The following MACROH2A1 variants were observed in gnomAD, a reference collection of about 807,000 sequenced individuals.
MACROH2A1 encodes the protein core histone macro-H2A.1.
In MACROH2A1, 2 loss-of-function variants were observed where a neutral mutation model predicts 31.6. The ratio of observed to expected loss-of-function variants is 0.06; its 90% CI spans 0.03 to 0.20. The LOEUF is 0.20. Among genes scored for constraint, MACROH2A1 ranks in the 10% least tolerant of loss-of-function variants. The pLI, the probability that MACROH2A1 is intolerant of heterozygous loss-of-function variation, is 1.00. For synonymous variants in MACROH2A1, 169 were observed against 189.6 expected (o/e 0.89, Z 0.89); for missense variants, 230 against 474.0 (o/e 0.49, Z 4.78).
At chr5:135,349,938 T>C (rs57581572) in intron 6 of MACROH2A1, among the ~76,000 whole-genome samples, 17,135 of 152,158 alleles carry the variant, frequency 0.11, 1,978 homozygotes, top group African/African-American at 0.29. Flanking sequence ...GACCAGGCCC[T>C]ATGATCAGTA....
At chr5:135,362,633 GC>G (rs1408578333) in intron 4 of MACROH2A1, 2 of 152,018 alleles carry the variant, frequency 1.3e-5, no homozygotes, top group Non-Finnish European at 2.9e-5. Context: ...AATCCACCCA[GC>G]CCATTACAAG....
chr5:135,393,534 T>C (rs1419504364), intron 1 of MACROH2A1, among the ~76,000 whole-genome samples: 1 of 152,208 alleles, frequency 6.6e-6, no homozygotes, highest in Non-Finnish European at 1.5e-5. Flanking sequence ...CCCTACATCA[T>C]AGACAAAGCA....
chr5:135,388,926 C>T lies in MACROH2A1; in HGVS notation c.168G>A (p.Leu56=). The T allele has an allele frequency of 2.5e-6, 4 of 1,603,240 alleles. 1 individual carries two copies. Among genetic ancestry groups the T allele is most frequent in the Non-Finnish European group, 8.5e-7 (1 of 1,171,358 alleles). Residue 56 remains leucine (L), a synonymous_variant, in exon 2 of 9, where the codon CTG becomes CTA. Transcript: ENST00000511689. The part of the protein sequence containing the change: ...PVYMAAVLEY[L]TAEILELAGN... ...GGTTGACTGAGGTACACTCACCTGT[C>T]AGGTATTCCAGGACGGCGGCCATGT...
intron 5 of MACROH2A1, chr5:135,359,819 A>C (rs781431105): frequency 1.3e-4 from 126 of 956,156 alleles, no homozygotes; most frequent in Admixed American, 4.9e-4. Context: ...GATGTCAATA[A>C]AGAAATATTA....
chr5:135,345,632 T>C (rs1292347194), intron 7 of MACROH2A1: 1 of 213,928 alleles, frequency 4.7e-6, no homozygotes, highest in African/African-American at 2.3e-5. Flanking sequence ...TTAATTTGTA[T>C]CTCTCACCAG....
intron 5 of MACROH2A1, chr5:135,354,697 G>C (rs1225762059): frequency 3.3e-5 from 8 of 242,686 alleles, no homozygotes; most frequent in African/African-American, 1.9e-4. Context: ...TGGGGAGTAG[G>C]GGTGTGGGTG....
intron 2 of MACROH2A1, among the ~76,000 whole-genome samples, chr5:135,380,766 A>T (rs758189960): frequency 6.6e-6 from 1 of 152,182 alleles, no homozygotes; most frequent in Non-Finnish European, 1.5e-5. Flanking sequence ...GTATTTTTGC[A>T]TTTTATTTTC....
chr5:135,385,500 A>T (rs1766274649), intron 2 of MACROH2A1, among the ~76,000 whole-genome samples: 1 of 152,188 alleles, frequency 6.6e-6, no homozygotes, highest in Non-Finnish European at 1.5e-5. Context: ...GACTTCCCTC[A>T]GATGTCTGCC....
At chr5:135,361,035 C>G (rs1762780758) in intron 4 of MACROH2A1, 1 of 316,450 alleles carries the variant, frequency 3.2e-6, no homozygotes, top group East Asian at 9.3e-5. Context: ...GACTATAACC[C>G]TCTAACCTTC....
intron 1 of MACROH2A1, among the ~76,000 whole-genome samples, chr5:135,391,852 C>T (rs1767296183): frequency 6.6e-6 from 1 of 152,234 alleles, no homozygotes; most frequent in African/African-American, 2.4e-5. Context: ...AGCCTCTTTA[C>T]TTCTGACCTA....
chr5:135,358,113 TA>T, intron 5 of MACROH2A1: 1 of 984,098 alleles, frequency 1.0e-6, no homozygotes, highest in Non-Finnish European at 1.2e-6. Context: ...GTGCTTTTTG[TA>T]AAAACTGTGT....
At chr5:135,395,628 A>T (rs1196199634) in intron 1 of MACROH2A1, among the ~76,000 whole-genome samples, 2 of 152,148 alleles carry the variant, frequency 1.3e-5, no homozygotes. Context: ...TACTCCTATC[A>T]CACCAAATGA....
chr5:135,399,284 T>A (rs1768535302), upstream of MACROH2A1: 1 of 151,070 alleles, frequency 6.6e-6, no homozygotes, highest in African/African-American at 2.4e-5. The surrounding 1 kb of genome is among the most constrained non-coding windows in gnomAD (Gnocchi z 4.5). Flanking sequence ...GCTCGTCACA[T>A]CCCTTCGCGG....
chr5:135,374,950 C>T (rs902633202), intron 2 of MACROH2A1, among the ~76,000 whole-genome samples: 20 of 152,178 alleles, frequency 1.3e-4, no homozygotes, highest in African/African-American at 4.8e-4. Context: ...TATTCTCAGT[C>T]GGTGACAGTC....
chr5:135,390,982 T>C (rs1459685143), intron 1 of MACROH2A1, among the ~76,000 whole-genome samples: 1 of 152,156 alleles, frequency 6.6e-6, no homozygotes, highest in African/African-American at 2.4e-5. Flanking sequence ...GAGCGCCCTG[T>C]CAAGGAGCAC....
intron 2 of MACROH2A1, among the ~76,000 whole-genome samples, chr5:135,373,531 ACCATGCTTATGTTTTG>A (rs1409087461): frequency 6.6e-6 from 1 of 152,208 alleles, no homozygotes; most frequent in Admixed American, 6.5e-5. Context: ...AACTTGAAGG[ACCATGCTTATGTTTTG>A]CTATTCAACT....
Position 135,335,060 on chromosome 5 carries a change from G to A in MACROH2A1, c.1035C>T (p.Ser345=). ...SSYFVSTMSS[S]IKTVYFVLFD... The stretch of plus-strand genomic sequence containing the variant: ...AAAGCACGAAGTACACCGTTTTGAT[G>A]GAAGAGGACATTGTAGACACGAAGT... The change falls in exon 9 of 9, where the codon TCC becomes TCT. Residue 345 remains serine, a synonymous_variant. Coordinates refer to ENST00000511689, the MANE Select transcript of MACROH2A1 (RefSeq NM_138610.3). 6 of 1,613,408 alleles carry A rather than the reference G, an allele frequency of 3.7e-6. No homozygotes were observed. The highest frequency in any genetic ancestry group is 5.1e-6 in the Non-Finnish European group (6 of 1,179,314).
chr5:135,376,735 T>C (rs577660271), intron 2 of MACROH2A1, among the ~76,000 whole-genome samples: 7 of 152,222 alleles, frequency 4.6e-5, no homozygotes, highest in Non-Finnish European at 8.8e-5. Context: ...TACCTGAGGT[T>C]ACCTCTAGGC....
chr5:135,369,527 C>T lies in MACROH2A1; in HGVS notation c.356G>A (p.Gly119Glu), dbSNP rs767510128. Residue 119 changes from glycine (G) to glutamate (E), a missense_variant, in exon 4 of 9, where the codon GGA becomes GAA. Coordinates refer to ENST00000511689, the MANE Select transcript of MACROH2A1 (RefSeq NM_138610.3). The surrounding 1 kb of genome is among the most constrained non-coding windows in gnomAD (Gnocchi z 4.3). ...IHPELLAKKR[G>E]SKGKLEAIIT... ...GATGGCTTCCAACTTTCCTTTGGAT[C>T]CCCGCTTCTTCGCTAGCAACTCGGG... 1 of 1,614,086 alleles carries T rather than the reference C, an allele frequency of 6.2e-7. No individual in the cohort carries two copies. Among genetic ancestry groups the T allele is most frequent in the Non-Finnish European group, 8.5e-7 (1 of 1,179,932 alleles).
Sources: allele counts gnomAD v4.1 joint callset (sites outside exome capture counted in the v4.1 genomes callset), GRCh38; gene constraint gnomAD v4.1.1; non-coding constraint Gnocchi (gnomAD v3.1); transcripts MANE v1.5; gene names NCBI Gene and HGNC (gene_info 2026-07-23, HGNC 2026-07-21).